The following TPM4 variants were observed in gnomAD, a reference collection of about 807,000 sequenced individuals.
TPM4 encodes the protein tropomyosin alpha-4 chain.
TPM4 carries 17 observed loss-of-function variants against 35.8 expected under a neutral mutation model. That is an observed-to-expected ratio of 0.47 (90% CI 0.32 to 0.71). TPM4 has a LOEUF of 0.71. Ranked by LOEUF, TPM4 falls within the 30% of genes least tolerant of loss-of-function variation. The pLI is 0.03. For synonymous variants in TPM4, 120 were observed against 122.9 expected (o/e 0.98, Z 0.15); for missense variants, 240 against 320.9 (o/e 0.75, Z 1.93).
chr19:16,094,555 A>T lies in TPM4; in HGVS notation c.664+802A>T, dbSNP rs2090670784. Among the ~76,000 whole-genome samples, 16 of 151,386 alleles carry T rather than the reference A, an allele frequency of 1.1e-4. No individual in the cohort carries two copies. The South Asian group carries it at 1.7e-3, about 16-fold the overall frequency. ...CGTCTCAAAAAAAAAAAAACTTCAC[A>T]ATTTCCTTCTGTTTGCTCATTTCTG... On this transcript the variant is annotated intron_variant, in intron 7 of 7. Coordinates refer to ENST00000643579, the MANE Select transcript of TPM4 (RefSeq NM_003290.3).
chr19:16,079,294 T>C (rs1239253093), intron 1 of TPM4, among the ~76,000 whole-genome samples: 3 of 152,294 alleles, frequency 2.0e-5, no homozygotes, highest in Admixed American at 1.3e-4. Context: ...ACACAGTTTT[T>C]TGTTTGTTTG....
chr19:16,077,339 C>A (rs1242575394), intron 1 of TPM4: 2 of 152,100 alleles, frequency 1.3e-5, no homozygotes, highest in African/African-American at 2.4e-5. Flanking sequence ...CCAGCTGATT[C>A]CTGCGGGAAC....
intron 5 of TPM4, among the ~76,000 whole-genome samples, chr19:16,091,863 C>G (rs2090630984): frequency 6.6e-6 from 1 of 152,258 alleles, no homozygotes; most frequent in Admixed American, 6.5e-5. Flanking sequence ...AGATACCAGG[C>G]TGTGATGCCA....
intron 5 of TPM4, among the ~76,000 whole-genome samples, chr19:16,091,645 C>A (rs1447676063): frequency 6.6e-6 from 1 of 151,068 alleles, no homozygotes; most frequent in African/African-American, 2.4e-5. Context: ...CATGGTGGTG[C>A]ATGCTTGTGA....
At chr19:16,084,783 AC>A (rs1301212439) in intron 2 of TPM4, among the ~76,000 whole-genome samples, 4 of 152,008 alleles carry the variant, frequency 2.6e-5, no homozygotes, top group Non-Finnish European at 1.5e-5. Context: ...TGAGGGTGAG[AC>A]CTCGTACAGG....
intron 3 of TPM4, 93 bp downstream of exon 3, chr19:16,086,633 T>G (rs1348707434): frequency 1.2e-5 from 13 of 1,060,618 alleles, no homozygotes; most frequent in Non-Finnish European, 1.8e-5. Context: ...GAAAGGAAGC[T>G]CTCGGTTAGG....
chr19:16,076,449 G>C, upstream of TPM4: 2 of 1,339,910 alleles, frequency 1.5e-6, no homozygotes, highest in African/African-American at 3.1e-5. Context: ...GGAGAGGCGG[G>C]GGCGGCCCCC....
intron 1 of TPM4, 83 bp downstream of exon 1, chr19:16,076,780 G>T: frequency 7.8e-7 from 1 of 1,280,736 alleles, no homozygotes; most frequent in Non-Finnish European, 9.9e-7. Context: ...CGCGCTGCCC[G>T]CCCGCGCGCA....
chr19:16,102,751 C>A lies in TPM4; in HGVS notation c.*1405C>A, dbSNP rs866127761. Reference sequence around the variant, plus strand: ...CTCAGAGCTAGAACATTCCACATTCCCCAGCAGCGTGTGGGGGCTGACTAA... The same window carrying A: ...CTCAGAGCTAGAACATTCCACATTCACCAGCAGCGTGTGGGGGCTGACTAA... On this transcript the variant is annotated 3_prime_UTR_variant, in exon 8 of 8. Transcript: ENST00000643579. 6.5e-5 allele frequency: 15 copies of A among 230,584 alleles called. No individual in the cohort carries two copies. Among genetic ancestry groups the A allele is most frequent in the Admixed American group, 5.7e-4 (10 of 17,688 alleles). 14.3% of individuals were successfully genotyped at this position (230,584 alleles called of 1,614,324 possible). A position where few individuals can be genotyped will look rare whatever the true frequency, so the allele number is the denominator to read the frequency against.
chr19:16,072,678 A>G (rs10406035), upstream of TPM4, among the ~76,000 whole-genome samples: 990 of 152,262 alleles, frequency 6.5e-3, 5 homozygotes, highest in African/African-American at 0.022. Context: ...GCACTTCAGG[A>G]GGCTGAGGTG....
intron 5 of TPM4, among the ~76,000 whole-genome samples, chr19:16,090,685 T>G (rs2090616149): frequency 6.6e-6 from 1 of 152,168 alleles, no homozygotes; most frequent in Admixed American, 6.6e-5. Flanking sequence ...TTTCTTACAT[T>G]TATTATAGTT....
In TPM4 at chr19:16,102,792, C is replaced by G. The variant is rs2090775411; in HGVS notation, c.*1446C>G. 8.7e-6 allele frequency: 2 copies of G among 230,716 alleles called. No individual in the cohort carries two copies. Among genetic ancestry groups the G allele is most frequent in the South Asian group, 3.6e-4 (2 of 5,520 alleles). 14.3% of individuals were successfully genotyped at this position (230,716 alleles called of 1,614,324 possible). ...GGCTGACTAAAGTTTACAATTCCAACTAAAAATCACCCTGCTTCTGGCTTA... is the reference window on the plus strand; with the variant it reads ...GGCTGACTAAAGTTTACAATTCCAAGTAAAAATCACCCTGCTTCTGGCTTA... On this transcript the variant is annotated 3_prime_UTR_variant, in exon 8 of 8. Coordinates refer to ENST00000643579, the MANE Select transcript of TPM4 (RefSeq NM_003290.3).
chr19:16,076,981 T>C (rs1446891156), intron 1 of TPM4: 1 of 442,580 alleles, frequency 2.3e-6, no homozygotes. Context: ...GGGTGAGCGA[T>C]CTCCGGGTGG....
intron 2 of TPM4, among the ~76,000 whole-genome samples, chr19:16,068,169 CGT>C (rs35984570): frequency 0.5 from 74,670 of 148,324 alleles, 18,877 homozygotes; most frequent in Middle Eastern, 0.6. Context: ...TGCATGTGTG[CGT>C]GTGTGTGTGT....
At chr19:16,088,775 C>T in intron 4 of TPM4, 4 of 1,215,222 alleles carry the variant, frequency 3.3e-6, no homozygotes, top group East Asian at 4.5e-5. Context: ...TCCTTGCAGC[C>T]TTACCCTTGG....
At chr19:16,088,681 C>T in intron 4 of TPM4, 3 of 1,058,262 alleles carry the variant, frequency 2.8e-6, no homozygotes, top group Non-Finnish European at 3.4e-6. Context: ...CCTGCAAACT[C>T]CCATTGCTCT....
chr19:16,076,542 C>CGTGCGCCT lies in TPM4; in HGVS notation c.-23_-16dup. On this transcript the variant is annotated 5_prime_UTR_variant, in exon 1 of 8. Transcript: ENST00000643579. ...GCCCAGCCGAGCGTCCGCCGCTGCCCGTGCGCCTCTGCGCCTCCGCGCCAT... is the reference window on the plus strand; with the variant it reads ...GCCCAGCCGAGCGTCCGCCGCTGCCCGTGCGCCTGTGCGCCTCTGCGCCTCCGCGCCAT... 7.0e-7 allele frequency: 1 copy of CGTGCGCCT among 1,430,496 alleles called. No individual in the cohort carries two copies. Among genetic ancestry groups the CGTGCGCCT allele is most frequent in the Non-Finnish European group, 9.1e-7 (1 of 1,093,442 alleles). 88.6% of individuals were successfully genotyped at this position (1,430,496 alleles called of 1,614,324 possible). A position where few individuals can be genotyped will look rare whatever the true frequency, so the allele number is the denominator to read the frequency against.
Position 16,088,117 on chromosome 19 carries a change from T to C in TPM4, c.455+20T>C. The C allele has an allele frequency of 1.2e-6, 2 of 1,604,590 alleles. No individual in the cohort carries two copies. Among genetic ancestry groups the C allele is most frequent in the Non-Finnish European group, 1.7e-6 (2 of 1,176,200 alleles). On this transcript the variant is annotated intron_variant, in intron 4 of 7. Coordinates refer to ENST00000643579, the MANE Select transcript of TPM4 (RefSeq NM_003290.3). ...TGAACTGTGAGTGGCAGAACAGGAC[T>C]GAGCGAGGCTGGCTCGATTCCTGGG...
Position 16,070,709 on chromosome 19 carries a change from G to C in TPM4, c.114+2971G>C, listed in dbSNP as rs568527798. Among the ~76,000 whole-genome samples, 8 of 152,314 alleles carry C rather than the reference G, an allele frequency of 5.3e-5. No individual in the cohort carries two copies. In the South Asian group the frequency reaches 1.7e-3, roughly 32 times the overall value. ...CAGAGTAAGCACTCAATAAATGTAG[G>C]TTGATTTCCTGCCCCGCCCTACTTC... On this transcript the variant is annotated intron_variant, in intron 2 of 2. Transcript: ENST00000589897. The surrounding 1 kb of genome is among the most constrained non-coding windows in gnomAD (Gnocchi z 7.4).
Sources: gnomAD v4.1 joint callset for allele counts (sites outside exome capture counted in the v4.1 genomes callset) on GRCh38, gnomAD v4.1.1 for gene constraint, Gnocchi (gnomAD v3.1) non-coding constraint, MANE v1.5 for transcripts, NCBI Gene and HGNC (gene_info 2026-07-23, HGNC 2026-07-21) for gene names.